SCAPER: variants seen among roughly 807,000 people sequenced by gnomAD.
SCAPER encodes S-phase cyclin A associated protein in the ER.
Under a neutral mutation model 182.2 loss-of-function variants are expected in SCAPER, and 98 were observed. The observed-to-expected ratio is 0.54, with a 90% CI of 0.46 to 0.64. The LOEUF is 0.64. Among genes scored for constraint, SCAPER ranks in the 30% least tolerant of loss-of-function variants. The pLI, the probability that SCAPER is intolerant of heterozygous loss-of-function variation, is 0.00. For missense variants in SCAPER, 1,432 were observed against 1,690.0 expected (o/e 0.85, Z 2.68); for synonymous variants, 605 against 564.6 (o/e 1.07, Z -1.01).
chr15:76,525,337 T>C (rs976349877), intron 23 of SCAPER, among the ~76,000 whole-genome samples: 14 of 152,132 alleles, frequency 9.2e-5, no homozygotes, highest in Admixed American at 2.0e-4. Flanking sequence ...GACTACAGTG[T>C]AATTTTTTTT....
chr15:76,716,419 A>T (rs2150924209), intron 17 of SCAPER, among the ~76,000 whole-genome samples: 1 of 152,258 alleles, frequency 6.6e-6, no homozygotes, highest in East Asian at 1.9e-4. Flanking sequence ...AGGAAATATG[A>T]AACCACTAAA....
intron 22 of SCAPER, among the ~76,000 whole-genome samples, chr15:76,607,351 C>G (rs892249763): frequency 2.6e-5 from 4 of 152,250 alleles, no homozygotes; most frequent in Non-Finnish European, 4.4e-5. Context: ...GGCCCCCACT[C>G]TCTTCTGGCT....
intron 21 of SCAPER, among the ~76,000 whole-genome samples, chr15:76,643,992 C>G (rs2146420606): frequency 6.6e-6 from 1 of 152,184 alleles, no homozygotes; most frequent in East Asian, 1.9e-4. Context: ...AAATCACTAC[C>G]ATGTTTCATG....
intron 21 of SCAPER, among the ~76,000 whole-genome samples, chr15:76,652,606 G>A (rs999965831): frequency 2.0e-5 from 3 of 149,154 alleles, no homozygotes; most frequent in Non-Finnish European, 4.4e-5. Flanking sequence ...AGCTACTCGG[G>A]AGGCTGAGGC....
At chr15:76,504,007 C>T (rs1158174282) in intron 24 of SCAPER, among the ~76,000 whole-genome samples, 1 of 151,920 alleles carries the variant, frequency 6.6e-6, no homozygotes, top group Admixed American at 6.6e-5. Context: ...CTTTCTTAGC[C>T]TCCTGAGTAG....
chr15:76,531,115 G>A (rs757924827), intron 23 of SCAPER, among the ~76,000 whole-genome samples: 1 of 152,040 alleles, frequency 6.6e-6, no homozygotes, highest in Non-Finnish European at 1.5e-5. Context: ...AGAAGCCTGT[G>A]AATCTCGAAT....
chr15:76,797,097 C>T (rs2065383875), intron 7 of SCAPER: 1 of 151,998 alleles, frequency 6.6e-6, no homozygotes, highest in Admixed American at 6.6e-5. Flanking sequence ...AAACTGTATC[C>T]AAGGTTGAGC....
intron 8 of SCAPER, among the ~76,000 whole-genome samples, chr15:76,783,099 T>C (rs189995723): frequency 6.6e-6 from 1 of 152,256 alleles, no homozygotes; most frequent in East Asian, 1.9e-4. Flanking sequence ...AAGAGGTGTT[T>C]TTTTTGAAAA....
At chr15:76,567,357 G>C in intron 23 of SCAPER, 1 of 454,448 alleles carries the variant, frequency 2.2e-6, no homozygotes, top group Non-Finnish European at 4.4e-6. Context: ...GAACATTTGT[G>C]TATATCTTGC....
At position 76,752,177 on chromosome 15, in the gene SCAPER, C is replaced by T. The variant is rs569726731; in HGVS notation, c.1866+1631G>A. On this transcript the variant is annotated intron_variant, in intron 15 of 31. Transcript: ENST00000563290. ...AGAGAAATGCAAATCAAAACTACAA[C>T]GAGATACCAAATAACACACATCAGA... Among the ~76,000 whole-genome samples the T allele has an allele frequency of 5.9e-5, 9 of 151,524 alleles. No individual in the cohort carries two copies. The South Asian group carries it at 6.2e-4, about 11-fold the overall frequency.
intron 26 of SCAPER, among the ~76,000 whole-genome samples, chr15:76,412,966 T>G (rs1391837834): frequency 2.0e-5 from 3 of 152,206 alleles, no homozygotes; most frequent in African/African-American, 7.2e-5. Flanking sequence ...CTCAGAGGTA[T>G]TTGATATTTT....
chr15:76,887,077 A>G (rs916836369), intron 1 of SCAPER, among the ~76,000 whole-genome samples: 4 of 152,174 alleles, frequency 2.6e-5, no homozygotes, highest in African/African-American at 9.7e-5. Context: ...AGGTAATGAA[A>G]TAATCTGTAC....
chr15:76,386,263 C>A (rs1459355533), intron 27 of SCAPER, among the ~76,000 whole-genome samples: 1 of 152,176 alleles, frequency 6.6e-6, no homozygotes, highest in Admixed American at 6.5e-5. Flanking sequence ...TCCCTTAAGC[C>A]AAGCAAGGTA....
chr15:76,672,916 T>C (rs1305412753), intron 20 of SCAPER, among the ~76,000 whole-genome samples: 1 of 151,982 alleles, frequency 6.6e-6, no homozygotes, highest in Non-Finnish European at 1.5e-5. Context: ...TACTGACATA[T>C]CTTATTAAAA....
At chr15:76,840,622 T>G (rs1175621776) in intron 5 of SCAPER, among the ~76,000 whole-genome samples, 1 of 152,218 alleles carries the variant, frequency 6.6e-6, no homozygotes, top group Non-Finnish European at 1.5e-5. Context: ...ATGTAACTCT[T>G]CTTTAACCCC....
At chr15:76,639,590 C>T (rs996300794) in intron 21 of SCAPER, among the ~76,000 whole-genome samples, 5 of 152,148 alleles carry the variant, frequency 3.3e-5, no homozygotes, top group African/African-American at 1.2e-4. Context: ...CTACTATTTA[C>T]ACACAGCCAA....
At chr15:76,891,077 T>C (rs2074137272) in intron 1 of SCAPER, among the ~76,000 whole-genome samples, 1 of 152,226 alleles carries the variant, frequency 6.6e-6, no homozygotes, top group Non-Finnish European at 1.5e-5. Context: ...ACCACATGAT[T>C]ATCTCAATAG....
intron 21 of SCAPER, among the ~76,000 whole-genome samples, chr15:76,652,271 AAAATAT>A (rs1367397382): frequency 3.3e-4 from 5 of 15,354 alleles, no homozygotes; most frequent in African/African-American, 9.2e-4. Context: ...AAAAAAAAAA[AAAATAT>A]ATATATATAT....
intron 22 of SCAPER, among the ~76,000 whole-genome samples, chr15:76,587,299 C>G (rs1157859951): frequency 6.6e-6 from 1 of 152,066 alleles, no homozygotes; most frequent in Non-Finnish European, 1.5e-5. Context: ...TAGTTCTGCT[C>G]TGATCTTGGT....
Sources: allele counts gnomAD v4.1 joint callset (sites outside exome capture counted in the v4.1 genomes callset), GRCh38; gene constraint gnomAD v4.1.1; transcripts MANE v1.5; gene names NCBI Gene and HGNC (gene_info 2026-07-23, HGNC 2026-07-21).